The following KIF20B variants were observed in gnomAD, a reference collection of about 807,000 sequenced individuals.
KIF20B encodes kinesin-like protein KIF20B.
In KIF20B, 188 loss-of-function variants were observed where a neutral mutation model predicts 232.5. The observed-to-expected ratio is 0.81, with a 90% CI of 0.72 to 0.91. The LOEUF is 0.91. KIF20B is among the 40% of genes least tolerant of loss of function. KIF20B has a pLI of 0.00. For synonymous variants in KIF20B, 712 were observed against 683.0 expected (o/e 1.04, Z -0.66); for missense variants, 2,154 against 2,055.9 (o/e 1.05, Z -0.92).
intron 9 of KIF20B, 94 bp downstream of exon 9, chr10:89,716,641 G>C: frequency 3.0e-6 from 2 of 676,078 alleles, no homozygotes; most frequent in South Asian, 3.5e-5. Flanking sequence ...GTGGGCAGTA[G>C]GTTCTCTCGT....
intron 26 of KIF20B, among the ~76,000 whole-genome samples, chr10:89,756,496 A>G (rs1842120548): frequency 6.6e-6 from 1 of 152,178 alleles, no homozygotes; most frequent in Admixed American, 6.5e-5. Context: ...TAGGTTGTGT[A>G]TGTGTCTGCC....
chr10:89,731,840 C>G (rs1441335221), intron 18 of KIF20B, among the ~76,000 whole-genome samples: 4 of 152,120 alleles, frequency 2.6e-5, no homozygotes, highest in Non-Finnish European at 5.9e-5. Context: ...TTATGACATC[C>G]TTTGTTTAGA....
Position 89,737,469 on chromosome 10 carries a change from C to T in KIF20B, c.2628C>T (p.Asp876=), listed in dbSNP as rs761960570. The part of the protein sequence containing the change: ...EVRPNIAEIE[D]IRVLQENNEG... Reference sequence around the variant, plus strand: ...GACCGAACATTGCAGAAATTGAAGACATCAGAGTTTTACAAGAAAATAATG... The same window carrying T: ...GACCGAACATTGCAGAAATTGAAGATATCAGAGTTTTACAAGAAAATAATG... Residue 876 remains aspartate (D), a synonymous_variant, in exon 20 of 33, where the codon GAC becomes GAT. Transcript: ENST00000371728. 3 of 1,608,970 alleles carry T rather than the reference C, an allele frequency of 1.9e-6. No individual in the cohort carries two copies. Among genetic ancestry groups the T allele is most frequent in the East Asian group, 2.2e-5 (1 of 44,768 alleles).
intron 20 of KIF20B, 55 bp downstream of exon 20, chr10:89,738,672 A>G (rs1841725007): frequency 1.3e-6 from 2 of 1,484,240 alleles, no homozygotes; most frequent in East Asian, 2.3e-5. Context: ...TCATTTTGCT[A>G]TGCAGCTTTA....
chr10:89,763,655 C>A (rs1199197066), intron 29 of KIF20B, among the ~76,000 whole-genome samples: 1 of 152,002 alleles, frequency 6.6e-6, no homozygotes, highest in Non-Finnish European at 1.5e-5. Flanking sequence ...CTTCTTACTG[C>A]AGTTTCTTGA....
chr10:89,767,037 T>C (rs1428658558), intron 29 of KIF20B, among the ~76,000 whole-genome samples: 3 of 152,006 alleles, frequency 2.0e-5, no homozygotes, highest in Non-Finnish European at 4.4e-5. Flanking sequence ...CAGAAAAGAT[T>C]TACAGATTGT....
chr10:89,757,040 G>GTATGTGTATATATATATATA (rs1554852904), intron 26 of KIF20B, among the ~76,000 whole-genome samples: 6 of 110,748 alleles, frequency 5.4e-5, no homozygotes, highest in Admixed American at 9.6e-5. Context: ...GTGTGTGTGT[G>GTATGTGTATATATATATATA]TATATATATA....
At chr10:89,761,945 T>C (rs1289703746) in intron 28 of KIF20B, among the ~76,000 whole-genome samples, 7 of 152,216 alleles carry the variant, frequency 4.6e-5, no homozygotes, top group Admixed American at 3.9e-4. Flanking sequence ...CTTGCCTTCA[T>C]GTAATCGATA....
intron 9 of KIF20B, 37 bp from the exon 10 acceptor site, chr10:89,717,387 A>G: frequency 7.6e-7 from 1 of 1,314,008 alleles, no homozygotes; most frequent in Non-Finnish European, 1.1e-6. Context: ...TGCAGAAATT[A>G]AAAATGATAA....
Position 89,710,952 on chromosome 10 carries a change from C to A in KIF20B, c.491-9C>A. On this transcript the variant is annotated splice_polypyrimidine_tract_variant and intron_variant, in intron 5 of 32. Coordinates refer to ENST00000371728, the MANE Select transcript of KIF20B (RefSeq NM_001284259.2). ...CTGAGAGAGTATAACACAAAAATTC[C>A]TTTTGCAGGGACAGAAGAAAATATT... The A allele has an allele frequency of 4.4e-6, 7 of 1,596,952 alleles. No homozygotes were observed. Among genetic ancestry groups the A allele is most frequent in the South Asian group, 1.1e-5 (1 of 87,582 alleles).
intron 6 of KIF20B, among the ~76,000 whole-genome samples, chr10:89,713,074 T>C (rs941913441): frequency 6.6e-6 from 1 of 151,968 alleles, no homozygotes; most frequent in African/African-American, 2.4e-5. Flanking sequence ...TGAAAAAAAT[T>C]TTTCACTGGG....
At chr10:89,723,365 A>G (rs1201976040) in intron 13 of KIF20B, among the ~76,000 whole-genome samples, 1 of 151,888 alleles carries the variant, frequency 6.6e-6, no homozygotes, top group Non-Finnish European at 1.5e-5. Flanking sequence ...TATATATTGC[A>G]CATTTTTCAT....
At chr10:89,732,739 A>T (rs1049347745) in intron 18 of KIF20B, among the ~76,000 whole-genome samples, 164 bp from the exon 19 acceptor site, 5 of 152,202 alleles carry the variant, frequency 3.3e-5, no homozygotes, top group African/African-American at 9.6e-5. Context: ...TATTTGCTAG[A>T]GCCATCAGTT....
intron 13 of KIF20B, among the ~76,000 whole-genome samples, chr10:89,721,353 C>G (rs10430647): frequency 6.6e-6 from 1 of 151,870 alleles, no homozygotes; most frequent in Admixed American, 6.6e-5. Context: ...TAAATAGTAC[C>G]TCCTCAGTGA....
At chr10:89,714,208 C>T (rs752014110) in intron 7 of KIF20B, 125 bp downstream of exon 7, 125 of 413,672 alleles carry the variant, frequency 3.0e-4, no homozygotes, top group African/African-American at 1.5e-3. Context: ...AGGCTGGGCG[C>T]GGTGGCTCAT....
Position 89,709,233 on chromosome 10 carries a change from G to A in KIF20B, c.214G>A (p.Glu72Lys). The A allele has an allele frequency of 6.2e-7, 1 of 1,609,978 alleles. No homozygotes were observed. Residue 72 changes from glutamate (E) to lysine (K), a missense_variant, in exon 3 of 33, where the codon GAA (glutamate) becomes AAA (lysine). Transcript: ENST00000371728. ...TCGAATAAGACCATTTACACAGTCA[G>A]AAAAAGAACTTGAGTCTGAGGTTTG... Reference protein sequence around the residue: ...CLRIRPFTQSEKELESEGCVH... With the variant: ...CLRIRPFTQSKKELESEGCVH...
intron 21 of KIF20B, among the ~76,000 whole-genome samples, chr10:89,740,233 C>CTT (rs35967236): frequency 7.4e-5 from 10 of 135,292 alleles, no homozygotes; most frequent in Non-Finnish European, 1.6e-4. Context: ...ATTGTGCTGT[C>CTT]TTTTTTTTTT....
intron 15 of KIF20B, 31 bp downstream of exon 15, chr10:89,725,189 A>G (rs777215639): frequency 4.9e-5 from 79 of 1,608,266 alleles, no homozygotes; most frequent in Non-Finnish European, 6.1e-5. Flanking sequence ...AAAAATATCC[A>G]GTGAGGTTTT....
At chr10:89,726,661 AC>A in intron 16 of KIF20B, 140 bp downstream of exon 16, 3 of 681,506 alleles carry the variant, frequency 4.4e-6, no homozygotes, top group Non-Finnish European at 6.5e-6. Flanking sequence ...TTAATATTTT[AC>A]CATTTGTATG....
Sources: gnomAD v4.1 joint callset for allele counts (sites outside exome capture counted in the v4.1 genomes callset) on GRCh38, gnomAD v4.1.1 for gene constraint, MANE v1.5 for transcripts, NCBI Gene and HGNC (gene_info 2026-07-23, HGNC 2026-07-21) for gene names.